SNX18: variants seen among roughly 807,000 people sequenced by gnomAD.
The protein encoded by SNX18 is sorting nexin-18.
A neutral mutation model predicts 48.7 loss-of-function variants in SNX18; 35 were observed. That is an observed-to-expected ratio of 0.72 (90% CI 0.55 to 0.95). SNX18 has a LOEUF of 0.95. Among genes scored for constraint, SNX18 ranks in the 40% least tolerant of loss-of-function variants. The pLI, the probability that SNX18 is intolerant of heterozygous loss-of-function variation, is 0.00. For synonymous variants in SNX18, 492 were observed against 384.7 expected (o/e 1.28, Z -3.26); for missense variants, 824 against 871.0 (o/e 0.95, Z 0.68).
At position 54,545,216 on chromosome 5, in the gene SNX18, T is replaced by C. The variant is rs1762556232; in HGVS notation, c.*1784T>C. The C allele has an allele frequency of 6.6e-6, 1 of 152,196 alleles. No homozygotes were observed. Among genetic ancestry groups the C allele is most frequent in the Non-Finnish European group, 1.5e-5 (1 of 68,028 alleles). The allele number at this position is 152,196 out of a possible 1,614,324, so 9.4% of individuals were successfully genotyped here. ...TGGAACTGTAACCAAATATGTTGTC[T>C]CTAAAACTTGTTGATTGCAAAATAC... On this transcript the variant is annotated 3_prime_UTR_variant, in exon 2 of 2. Transcript: ENST00000381410.
intron 1 of SNX18, among the ~76,000 whole-genome samples, chr5:54,534,613 T>A (rs1762316908): frequency 1.3e-5 from 2 of 150,506 alleles, no homozygotes; most frequent in East Asian, 3.9e-4. Context: ...GGGTCAGAAG[T>A]TTCCAGGAAA....
the SNX18 span, among the ~76,000 whole-genome samples, chr5:54,575,138 G>A: frequency 6.6e-6 from 1 of 152,066 alleles, no homozygotes. Context: ...GCTTCCACTT[G>A]GCTCTGGTTG....
the SNX18 span, among the ~76,000 whole-genome samples, chr5:54,591,324 C>T: frequency 6.6e-5 from 10 of 152,130 alleles, no homozygotes; most frequent in African/African-American, 1.2e-4. Context: ...GGACTACAGG[C>T]CTGCTGTACA....
At chr5:54,536,734 G>C (rs1223244567) in intron 1 of SNX18, among the ~76,000 whole-genome samples, 2 of 152,130 alleles carry the variant, frequency 1.3e-5, no homozygotes, top group Non-Finnish European at 2.9e-5. Flanking sequence ...TAATCCTTTG[G>C]ATATATACCC....
intron 1 of SNX18, among the ~76,000 whole-genome samples, chr5:54,539,862 G>GTTTGT (rs1394732711): frequency 2.6e-5 from 4 of 152,008 alleles, no homozygotes; most frequent in East Asian, 1.9e-4. Flanking sequence ...CTTGTTTTTT[G>GTTTGT]TTTGTTTTGT....
chr5:54,538,909 T>C (rs1248257435), intron 1 of SNX18, among the ~76,000 whole-genome samples: 1 of 152,272 alleles, frequency 6.6e-6, no homozygotes, highest in Non-Finnish European at 1.5e-5. Context: ...AAACTTGTTC[T>C]ACATTTGTGG....
chr5:54,521,248 GTGTC>G (rs1349316207), intron 1 of SNX18, among the ~76,000 whole-genome samples: 1 of 152,198 alleles, frequency 6.6e-6, no homozygotes, highest in Admixed American at 6.5e-5. Context: ...TGGGCCGCTG[GTGTC>G]TGTCTACTTT....
chr5:54,555,418 C>G, the SNX18 span, among the ~76,000 whole-genome samples: 1 of 151,424 alleles, frequency 6.6e-6, no homozygotes, highest in Admixed American at 6.6e-5. Flanking sequence ...TTATGTTGCC[C>G]AGGCTGGTCT....
chr5:54,626,489 G>T, the SNX18 span, among the ~76,000 whole-genome samples: 1 of 152,198 alleles, frequency 6.6e-6, no homozygotes, highest in South Asian at 2.1e-4. Flanking sequence ...CTAAGTCCTT[G>T]TCTCATTGTA....
Position 54,518,644 on chromosome 5 carries a change from G to T in SNX18, c.692G>T (p.Arg231Leu). ...SSATVSRNLN[R>L]FSTFVKSGGE... is the part of the protein sequence containing the mutation. The stretch of plus-strand genomic sequence containing the variant: ...GCCACCGTGAGCCGCAACCTCAATC[G>T]CTTCTCCACCTTCGTCAAGTCCGGC... Residue 231 changes from arginine (R) to leucine (L), a missense_variant, in exon 1 of 2, where the codon CGC becomes CTC. By Grantham distance (102) the Arg-to-Leu change is moderately radical (BLOSUM62 -2). Around this residue, in one of 3 missense-constraint regions of SNX18, gnomAD observed 377 missense variants for 350.6 expected, o/e 1.08. Transcript: ENST00000381410. 1 of 1,557,078 alleles carries T rather than the reference G, an allele frequency of 6.4e-7. No individual in the cohort carries two copies. The highest frequency in any genetic ancestry group is 8.7e-7 in the Non-Finnish European group (1 of 1,153,452).
chr5:54,618,601 G>A, the SNX18 span, among the ~76,000 whole-genome samples: 1 of 152,200 alleles, frequency 6.6e-6, no homozygotes, highest in Non-Finnish European at 1.5e-5. Context: ...TGCGATGTTA[G>A]AGTAGATGTT....
chr5:54,527,358 CG>C (rs11355195), intron 1 of SNX18, among the ~76,000 whole-genome samples: 41,421 of 140,448 alleles, frequency 0.29, 5,871 homozygotes, highest in East Asian at 0.45. Flanking sequence ...GTCGGGGAGC[CG>C]GGGGGGGGGG....
chr5:54,560,168 C>T, the SNX18 span, among the ~76,000 whole-genome samples: 3 of 152,202 alleles, frequency 2.0e-5, no homozygotes, highest in East Asian at 1.9e-4. Flanking sequence ...CATAAAGATA[C>T]ATGCACGCAT....
At chr5:54,572,879 C>T in the SNX18 span, among the ~76,000 whole-genome samples, 1,331 of 140,872 alleles carry the variant, frequency 9.4e-3, 58 homozygotes, top group East Asian at 0.1. Context: ...CTGCAACCTC[C>T]GCCTCCCGGG....
chr5:54,641,094 A>C, the SNX18 span, among the ~76,000 whole-genome samples: 2 of 152,102 alleles, frequency 1.3e-5, no homozygotes, highest in East Asian at 3.9e-4. Context: ...AGGAGTATAC[A>C]GAAGTTCTGA....
the SNX18 span, among the ~76,000 whole-genome samples, chr5:54,627,373 C>T: frequency 6.6e-6 from 1 of 152,090 alleles, no homozygotes; most frequent in Non-Finnish European, 1.5e-5. Flanking sequence ...TTACCCTTTC[C>T]TGGGGATATG....
At chr5:54,567,199 GTATGTGTGTGTGTA>G in the SNX18 span, among the ~76,000 whole-genome samples, 1 of 151,974 alleles carries the variant, frequency 6.6e-6, no homozygotes, top group African/African-American at 2.4e-5. Context: ...ATGGATGTGT[GTATGTGTGTGTGTA>G]TGTGTGTGTG....
At chr5:54,555,608 G>A in the SNX18 span, among the ~76,000 whole-genome samples, 365 of 152,048 alleles carry the variant, frequency 2.4e-3, 2 homozygotes, top group African/African-American at 7.0e-3. Context: ...GCCAAGGTGG[G>A]CATATCACTT....
downstream of SNX18, among the ~76,000 whole-genome samples, chr5:54,551,098 A>T (rs1447613641): frequency 6.6e-6 from 1 of 152,128 alleles, no homozygotes; most frequent in Non-Finnish European, 1.5e-5. Flanking sequence ...AAAAGAAAAA[A>T]AAAGATGTCA....
Sources: gnomAD v4.1 joint callset for allele counts (sites outside exome capture counted in the v4.1 genomes callset) on GRCh38, gnomAD v4.1.1 for gene constraint, gnomAD v4.1.1 regional missense constraint, MANE v1.5 for transcripts, NCBI Gene and HGNC (gene_info 2026-07-23, HGNC 2026-07-21) for gene names.